The following MICU1 variants were observed in gnomAD, a reference collection of about 807,000 sequenced individuals.
The protein encoded by MICU1 is mitochondrial calcium uptake 1, also known as calcium uptake protein 1, mitochondrial.
In MICU1, 45 loss-of-function variants were observed where a neutral mutation model predicts 56.8. That is an observed-to-expected ratio of 0.79 (90% CI 0.62 to 1.02). The LOEUF is 1.02. Among genes scored for constraint, MICU1 ranks in the 50% least tolerant of loss-of-function variants. The pLI, the probability that MICU1 is intolerant of heterozygous loss-of-function variation, is 0.00. For missense variants in MICU1, 504 were observed against 587.1 expected (o/e 0.86, Z 1.46); for synonymous variants, 186 against 195.1 (o/e 0.95, Z 0.39).
At chr10:72,581,695 A>C (rs1358917382) in intron 1 of MICU1, among the ~76,000 whole-genome samples, 2 of 152,198 alleles carry the variant, frequency 1.3e-5, no homozygotes, top group Non-Finnish European at 2.9e-5. Flanking sequence ...GAGTAAATAC[A>C]AAAAACTTAG....
chr10:72,585,784 G>T (rs1384433051), intron 1 of MICU1, among the ~76,000 whole-genome samples: 1 of 151,954 alleles, frequency 6.6e-6, no homozygotes, highest in Non-Finnish European at 1.5e-5. Flanking sequence ...CAAGGGATAG[G>T]TTCCAGGACC....
intron 9 of MICU1, among the ~76,000 whole-genome samples, chr10:72,420,789 C>T (rs2132131178): frequency 6.6e-6 from 1 of 151,986 alleles, no homozygotes; most frequent in Non-Finnish European, 1.5e-5. Flanking sequence ...GATCCTCCCA[C>T]CTCAGTCTCC....
chr10:72,539,957 T>C (rs1325226372), intron 4 of MICU1, among the ~76,000 whole-genome samples: 1 of 152,056 alleles, frequency 6.6e-6, no homozygotes. Context: ...GCAAGTCCAG[T>C]TCCAGGTATA....
chr10:72,557,077 A>T (rs1270466275), intron 3 of MICU1, among the ~76,000 whole-genome samples: 1 of 152,112 alleles, frequency 6.6e-6, no homozygotes, highest in African/African-American at 2.4e-5. Context: ...AAAAAAAAAG[A>T]AAAAGAAAAA....
At position 72,436,297 on chromosome 10, in the gene MICU1, T is replaced by A. The variant is rs556488335; in HGVS notation, c.934-12926A>T. Among the ~76,000 whole-genome samples the A allele has an allele frequency of 3.3e-5, 5 of 152,200 alleles. No homozygotes were observed. In the South Asian group the frequency reaches 1.0e-3, roughly 32 times the overall value. On this transcript the variant is annotated intron_variant, in intron 8 of 11. Transcript: ENST00000361114. The stretch of plus-strand genomic sequence containing the variant: ...GGTCTGGAGTGGACCTCCAGCCAAC[T>A]CCAACAGACCTGCAGCTGAGGGACC...
intron 9 of MICU1, among the ~76,000 whole-genome samples, chr10:72,414,326 T>G (rs1167764828): frequency 6.6e-6 from 1 of 152,090 alleles, no homozygotes; most frequent in African/African-American, 2.4e-5. Context: ...TACATAAAAA[T>G]GTAATGTAGT....
At chr10:72,552,551 T>G (rs1369607279) in intron 3 of MICU1, among the ~76,000 whole-genome samples, 1 of 152,124 alleles carries the variant, frequency 6.6e-6, no homozygotes, top group Non-Finnish European at 1.5e-5. Flanking sequence ...TTATTTTATT[T>G]TATTTATTTA....
chr10:72,493,322 A>T (rs183346342), intron 6 of MICU1, among the ~76,000 whole-genome samples: 1 of 152,216 alleles, frequency 6.6e-6, no homozygotes, highest in Non-Finnish European at 1.5e-5. Flanking sequence ...TCTCTGCATT[A>T]CATACATTAT....
rs191071107 is a variant in MICU1 at position 72,578,279 on chromosome 10, A to G, written c.-1-11485T>C. On this transcript the variant is annotated intron_variant, in intron 1 of 11. Coordinates refer to ENST00000361114, the MANE Select transcript of MICU1 (RefSeq NM_001195518.2). ...TAGCAATAAAGATTTTTTTTTTGAG[A>G]TGGAGTCTCACTCTATCACCCAAGT... is the stretch of plus-strand genomic sequence containing the variant. Among the ~76,000 whole-genome samples the G allele has an allele frequency of 3.5e-3, 536 of 151,928 alleles. 13 individuals are homozygous for G. The highest frequency in any genetic ancestry group is 2.7e-3 in the East Asian group (14 of 5,164).
chr10:72,367,867 C>T lies in MICU1; in HGVS notation c.*328G>A, dbSNP rs189050932. 7.9e-6 allele frequency: 2 copies of T among 253,174 alleles called. No homozygotes were observed. The highest frequency in any genetic ancestry group is 1.5e-5 in the Non-Finnish European group (2 of 132,444). 15.7% of individuals were successfully genotyped at this position (253,174 alleles called of 1,614,324 possible). ...AACGATTTGAGAACTGGATGCTTCC[C>T]AGGGTTGGCAGGTGTGTGGATGGTT... is the stretch of plus-strand genomic sequence containing the variant. On this transcript the variant is annotated 3_prime_UTR_variant, in exon 12 of 12. Transcript: ENST00000361114.
At chr10:72,491,047 A>G (rs891998627) in intron 6 of MICU1, among the ~76,000 whole-genome samples, 1 of 152,196 alleles carries the variant, frequency 6.6e-6, no homozygotes, top group East Asian at 1.9e-4. Context: ...ACAGTCCCAT[A>G]AAAGGCCAAA....
chr10:72,383,383 C>T (rs1421687410), intron 10 of MICU1, among the ~76,000 whole-genome samples: 1 of 152,190 alleles, frequency 6.6e-6, no homozygotes, highest in Non-Finnish European at 1.5e-5. Context: ...ATCAATGTCA[C>T]TAGTTTCCCC....
chr10:72,625,592 T>C (rs1352214918), intron 1 of MICU1, among the ~76,000 whole-genome samples: 2 of 152,216 alleles, frequency 1.3e-5, no homozygotes, highest in Non-Finnish European at 1.5e-5. Flanking sequence ...GTGGTTAATA[T>C]TTCTCCGTAT....
intron 9 of MICU1, among the ~76,000 whole-genome samples, chr10:72,411,115 A>AG (rs149002481): frequency 0.041 from 6,248 of 152,276 alleles, 419 homozygotes; most frequent in African/African-American, 0.14. Context: ...TAGCCACAAA[A>AG]GGACAAAAGA....
chr10:72,380,199 T>TTGGGATTCCAGCTCCCTGATGG (rs1280468219), intron 10 of MICU1, among the ~76,000 whole-genome samples: 1 of 152,184 alleles, frequency 6.6e-6, no homozygotes, highest in African/African-American at 2.4e-5. Context: ...TGACTGATGG[T>TTGGGATTCCAGCTCCCTGATGG]TGGGATTCCA....
chr10:72,532,977 C>A lies in MICU1; in HGVS notation c.537+769G>T, dbSNP rs897922202. The A allele has an allele frequency of 3.1e-6, 4 of 1,280,018 alleles. No individual in the cohort carries two copies. In the African/African-American group the frequency reaches 6.1e-5, roughly 20 times the overall value. 79.3% of individuals were successfully genotyped at this position (1,280,018 alleles called of 1,614,324 possible). ...AACCCTGACCTCTCCCCATCTAGAC[C>A]CTCTTTTGTGATCCTGCCTTTTCCA... On this transcript the variant is annotated intron_variant, in intron 5 of 11. Transcript: ENST00000361114.
chr10:72,466,376 T>C (rs1865794593), intron 8 of MICU1, among the ~76,000 whole-genome samples: 1 of 152,208 alleles, frequency 6.6e-6, no homozygotes, highest in African/African-American at 2.4e-5. Flanking sequence ...TGAACTACAG[T>C]TGACGGCAGG....
At chr10:72,442,695 A>G (rs1271752124) in intron 8 of MICU1, among the ~76,000 whole-genome samples, 1 of 152,192 alleles carries the variant, frequency 6.6e-6, no homozygotes, top group Non-Finnish European at 1.5e-5. Flanking sequence ...AACTTTCCTT[A>G]GTCTTCAGTG....
chr10:72,525,531 G>C (rs931996162), intron 5 of MICU1, among the ~76,000 whole-genome samples: 2 of 152,142 alleles, frequency 1.3e-5, no homozygotes, highest in Non-Finnish European at 2.9e-5. Context: ...AATGGACTCG[G>C]TATTTAACCC....
Sources: allele counts gnomAD v4.1 joint callset (sites outside exome capture counted in the v4.1 genomes callset), GRCh38; gene constraint gnomAD v4.1.1; transcripts MANE v1.5; gene names NCBI Gene and HGNC (gene_info 2026-07-23, HGNC 2026-07-21).